The following GALNT13 variants were observed in gnomAD, a reference collection of about 807,000 sequenced individuals.
GALNT13 encodes the protein polypeptide N-acetylgalactosaminyltransferase 13.
GALNT13 carries 28 observed loss-of-function variants against 64.2 expected under a neutral mutation model. That is an observed-to-expected ratio of 0.44 (90% confidence interval 0.32 to 0.60). The LOEUF (loss-of-function observed/expected upper bound fraction) is 0.60. Among genes scored for constraint, GALNT13 ranks in the 20% least tolerant of loss-of-function variants. The pLI, the probability that GALNT13 is intolerant of heterozygous loss-of-function variation, is 0.05. For synonymous variants in GALNT13, 214 were observed against 224.6 expected (o/e 0.95, Z 0.42); for missense variants, 577 against 669.8 (o/e 0.86, Z 1.53).
At chr2:154,107,428 A>G (rs1272082219) in intron 3 of GALNT13, among the ~76,000 whole-genome samples, 2 of 151,872 alleles carry the variant, frequency 1.3e-5, no homozygotes, top group Non-Finnish European at 2.9e-5. Flanking sequence ...CGTCTCTATT[A>G]AAAATACAAA....
chr2:153,810,166 T>C, the GALNT13 span, among the ~76,000 whole-genome samples: 1 of 152,156 alleles, frequency 6.6e-6, no homozygotes, highest in African/African-American at 2.4e-5. Context: ...TGTTTCACCT[T>C]GTTAGCCAGG....
At chr2:154,277,136 G>C (rs1282458562) in intron 8 of GALNT13, among the ~76,000 whole-genome samples, 1 of 152,102 alleles carries the variant, frequency 6.6e-6, no homozygotes, top group African/African-American at 2.4e-5. Context: ...CATGAATGAA[G>C]TATTACTAAA....
At chr2:153,227,671 C>A in the GALNT13 span, among the ~76,000 whole-genome samples, 2 of 152,136 alleles carry the variant, frequency 1.3e-5, no homozygotes, top group African/African-American at 4.8e-5. Flanking sequence ...CGCTTGGCTG[C>A]ATTTTAGATG....
intron 7 of GALNT13, among the ~76,000 whole-genome samples, chr2:154,255,470 A>G (rs1235187731): frequency 2.0e-5 from 3 of 152,180 alleles, no homozygotes; most frequent in African/African-American, 4.8e-5. Context: ...GCTCAAGGGA[A>G]CAATCTAGAA....
chr2:153,640,922 G>T, the GALNT13 span, among the ~76,000 whole-genome samples: 25,956 of 151,932 alleles, frequency 0.17, 2,736 homozygotes, highest in Non-Finnish European at 0.23. Context: ...TGATAAAATA[G>T]AATTTTTTTT....
At chr2:153,258,861 G>A in the GALNT13 span, among the ~76,000 whole-genome samples, 1 of 152,066 alleles carries the variant, frequency 6.6e-6, no homozygotes, top group East Asian at 1.9e-4. Context: ...TTGTTTTGTT[G>A]CCTAACATAT....
At chr2:153,488,484 T>C in the GALNT13 span, among the ~76,000 whole-genome samples, 2 of 152,240 alleles carry the variant, frequency 1.3e-5, no homozygotes, top group East Asian at 3.8e-4. Flanking sequence ...TGACCCACTT[T>C]AACCTTAATA....
the GALNT13 span, among the ~76,000 whole-genome samples, chr2:153,691,643 GA>G: frequency 2.0e-5 from 3 of 151,714 alleles, no homozygotes; most frequent in South Asian, 2.1e-4. Flanking sequence ...ATAAACACAA[GA>G]AAAAAACCCT....
At chr2:153,640,774 T>C in the GALNT13 span, among the ~76,000 whole-genome samples, 2 of 152,212 alleles carry the variant, frequency 1.3e-5, no homozygotes, top group South Asian at 2.1e-4. Flanking sequence ...AGAGTGAGAC[T>C]GTCCCAAAAA....
chr2:153,694,056 C>G, the GALNT13 span, among the ~76,000 whole-genome samples: 1 of 152,044 alleles, frequency 6.6e-6, no homozygotes, highest in East Asian at 1.9e-4. Flanking sequence ...GGCAGTGAGC[C>G]AAGATCATGC....
chr2:153,139,058 T>G, the GALNT13 span, among the ~76,000 whole-genome samples: 1 of 152,118 alleles, frequency 6.6e-6, no homozygotes, highest in Non-Finnish European at 1.5e-5. Flanking sequence ...AGTCACAAAT[T>G]TAAATTCAAC....
chr2:153,850,196 GAAAAAGAAAAA>G, the GALNT13 span, among the ~76,000 whole-genome samples: 2 of 148,418 alleles, frequency 1.3e-5, no homozygotes, highest in Admixed American at 1.3e-4. Context: ...AAAAGAAAAA[GAAAAAGAAAAA>G]GAAAAGGAAA....
intron 9 of GALNT13, among the ~76,000 whole-genome samples, chr2:154,385,183 A>G (rs1408026222): frequency 6.6e-6 from 1 of 152,000 alleles, no homozygotes; most frequent in African/African-American, 2.4e-5. Flanking sequence ...TGGATGGGGC[A>G]TAATTTTAAA....
the GALNT13 span, chr2:153,478,590 G>A: frequency 2.0e-5 from 30 of 1,524,180 alleles, no homozygotes; most frequent in Non-Finnish European, 2.6e-5. Flanking sequence ...GGCGCCGCGA[G>A]CGGCGCGGGT....
intron 3 of GALNT13, among the ~76,000 whole-genome samples, chr2:153,966,563 T>G (rs1693369651): frequency 1.3e-5 from 2 of 151,860 alleles, no homozygotes; most frequent in Admixed American, 1.3e-4. Context: ...AGACACGGGG[T>G]CTCACCGTGT....
At chr2:153,397,412 C>G in the GALNT13 span, among the ~76,000 whole-genome samples, 3 of 152,190 alleles carry the variant, frequency 2.0e-5, no homozygotes, top group South Asian at 6.2e-4. Context: ...GTAAGAGCCT[C>G]CATGGCAGGA....
At chr2:153,769,305 T>C in the GALNT13 span, among the ~76,000 whole-genome samples, 2 of 150,880 alleles carry the variant, frequency 1.3e-5, no homozygotes, top group Non-Finnish European at 3.0e-5. Context: ...CTTTTGTTTG[T>C]CTGGAAAAGA....
At chr2:154,239,619 T>G (rs1689374185) in intron 4 of GALNT13, among the ~76,000 whole-genome samples, 1 of 152,200 alleles carries the variant, frequency 6.6e-6, no homozygotes, top group Non-Finnish European at 1.5e-5. Flanking sequence ...TAGAAATCTT[T>G]TGAATCTTGC....
At chr2:154,057,415 C>G (rs951603947) in intron 3 of GALNT13, among the ~76,000 whole-genome samples, 6 of 152,214 alleles carry the variant, frequency 3.9e-5, no homozygotes, top group African/African-American at 1.2e-4. Flanking sequence ...CTGTGAGATT[C>G]AAGGCACTGT....
Sources: gnomAD v4.1 joint callset for allele counts (sites outside exome capture counted in the v4.1 genomes callset) on GRCh38, gnomAD v4.1.1 for gene constraint, MANE v1.5 for transcripts, NCBI Gene and HGNC (gene_info 2026-07-23, HGNC 2026-07-21) for gene names.